ELMO1: variants seen among roughly 807,000 people sequenced by gnomAD.
ELMO1 encodes engulfment and cell motility 1.
ELMO1 carries 26 observed loss-of-function variants against 98.9 expected under a neutral mutation model. The ratio of observed to expected loss-of-function variants is 0.26; its 90% confidence interval spans 0.19 to 0.36. The LOEUF is 0.36. Ranked by LOEUF, ELMO1 falls within the 10% of genes least tolerant of loss-of-function variation. The pLI is 1.00. For synonymous variants in ELMO1, 346 were observed against 346.0 expected (o/e 1.00, Z 0.00); for missense variants, 627 against 935.2 (o/e 0.67, Z 4.30).
At chr7:36,873,989 C>T (rs1194012223) in intron 19 of ELMO1, among the ~76,000 whole-genome samples, 2 of 152,172 alleles carry the variant, frequency 1.3e-5, no homozygotes, top group East Asian at 1.9e-4. Context: ...GGTACAGGCT[C>T]ATCCCAGGAT....
At chr7:36,989,879 A>T (rs915697325) in intron 16 of ELMO1, among the ~76,000 whole-genome samples, 1 of 152,248 alleles carries the variant, frequency 6.6e-6, no homozygotes, top group African/African-American at 2.4e-5. Context: ...GTGAAACGTC[A>T]TAAGTTTTTT....
At chr7:37,236,496 G>C (rs780809560) in intron 7 of ELMO1, among the ~76,000 whole-genome samples, 20 of 152,138 alleles carry the variant, frequency 1.3e-4, no homozygotes, top group Non-Finnish European at 1.5e-5. Flanking sequence ...TGACATGACA[G>C]ATAGGCAGAG....
At chr7:36,963,167 G>A (rs959102995) in intron 16 of ELMO1, among the ~76,000 whole-genome samples, 4 of 151,802 alleles carry the variant, frequency 2.6e-5, no homozygotes, top group Non-Finnish European at 5.9e-5. Flanking sequence ...GGCAGATCAC[G>A]AGGTCATCGA....
Position 36,882,573 on chromosome 7 carries a change from C to T in ELMO1, c.1715-4456G>A, listed in dbSNP as rs115287679. Among the ~76,000 whole-genome samples, 716 of 152,318 alleles carry T rather than the reference C, an allele frequency of 4.7e-3. 8 individuals carry two copies. Among genetic ancestry groups the T allele is most frequent in the African/African-American group, 0.017 (699 of 41,574 alleles). On this transcript the variant is annotated intron_variant, in intron 18 of 21. Coordinates refer to ENST00000310758, the MANE Select transcript of ELMO1 (RefSeq NM_014800.11). Reference sequence around the variant, plus strand: ...CTCAGAGCAAATGACACCGGAGTCCCTAGGTACTTTCCAAGATGATTTGGT... The same window carrying T: ...CTCAGAGCAAATGACACCGGAGTCCTTAGGTACTTTCCAAGATGATTTGGT...
chr7:37,367,588 T>G lies in ELMO1; in HGVS notation c.-73-24825A>C, dbSNP rs115147054. On this transcript the variant is annotated intron_variant, in intron 1 of 21. Coordinates refer to ENST00000310758, the MANE Select transcript of ELMO1 (RefSeq NM_014800.11). ...CTACAGGTACAATTCACTAAGTGTG[T>G]GACATGGAAGACTAGAGAAGACTAA... Among the ~76,000 whole-genome samples the G allele has an allele frequency of 3.4e-3, 525 of 152,264 alleles. 3 individuals are homozygous for G. Among genetic ancestry groups the G allele is most frequent in the African/African-American group, 0.012 (503 of 41,530 alleles).
At chr7:37,076,788 G>A (rs1797604839) in intron 15 of ELMO1, among the ~76,000 whole-genome samples, 1 of 152,148 alleles carries the variant, frequency 6.6e-6, no homozygotes, top group African/African-American at 2.4e-5. Context: ...GGTGCACAAC[G>A]CTCCACCACA....
At chr7:36,867,082 G>C (rs942565871) in intron 20 of ELMO1, among the ~76,000 whole-genome samples, 1 of 152,132 alleles carries the variant, frequency 6.6e-6, no homozygotes, top group Non-Finnish European at 1.5e-5. Flanking sequence ...TGGCAGACTG[G>C]AAGAGCCCAG....
intron 16 of ELMO1, among the ~76,000 whole-genome samples, chr7:36,972,910 A>G (rs777239415): frequency 1.3e-4 from 20 of 152,066 alleles, no homozygotes; most frequent in Non-Finnish European, 2.2e-4. Context: ...CCTCCTGAGC[A>G]GCTGGGATTA....
intron 16 of ELMO1, among the ~76,000 whole-genome samples, chr7:36,903,421 C>T (rs1783728543): frequency 6.6e-6 from 1 of 152,256 alleles, no homozygotes; most frequent in South Asian, 2.1e-4. Context: ...ATCTCCAGAG[C>T]CTGCACAGTC....
intron 1 of ELMO1, among the ~76,000 whole-genome samples, chr7:37,395,172 C>A (rs1348947115): frequency 6.6e-6 from 1 of 151,964 alleles, no homozygotes; most frequent in Non-Finnish European, 1.5e-5. Context: ...TTGAGACCAG[C>A]CTGACCAACA....
chr7:37,244,951 G>A (rs969003481), intron 6 of ELMO1, among the ~76,000 whole-genome samples: 3 of 152,014 alleles, frequency 2.0e-5, no homozygotes, highest in Non-Finnish European at 4.4e-5. Context: ...GGCAAATCTG[G>A]CTATAATAAA....
chr7:37,227,561 T>C (rs1454047031), intron 8 of ELMO1, among the ~76,000 whole-genome samples: 5 of 152,074 alleles, frequency 3.3e-5, no homozygotes, highest in South Asian at 2.1e-4. Flanking sequence ...AATTTTTCTA[T>C]TTTTAGTAGA....
At chr7:37,385,987 C>T (rs758906593) in intron 1 of ELMO1, among the ~76,000 whole-genome samples, 2 of 152,184 alleles carry the variant, frequency 1.3e-5, no homozygotes, top group Non-Finnish European at 2.9e-5. Context: ...AAGATCTAGG[C>T]CCCTCCTCAA....
At chr7:37,169,847 A>G (rs555704660) in intron 13 of ELMO1, among the ~76,000 whole-genome samples, 1 of 152,310 alleles carries the variant, frequency 6.6e-6, no homozygotes, top group African/African-American at 2.4e-5. Context: ...CTCATCTGAA[A>G]CACTAAAAAT....
At chr7:37,244,708 A>G (rs1156480779) in intron 6 of ELMO1, among the ~76,000 whole-genome samples, 1 of 152,210 alleles carries the variant, frequency 6.6e-6, no homozygotes. Flanking sequence ...TGGGGTACCC[A>G]TAGGGATAGG....
At chr7:37,061,353 T>C (rs2129213810) in intron 15 of ELMO1, among the ~76,000 whole-genome samples, 1 of 152,298 alleles carries the variant, frequency 6.6e-6, no homozygotes, top group South Asian at 2.1e-4. Flanking sequence ...AGAGATCTCC[T>C]TAATGCAAAA....
At chr7:37,417,537 G>A (rs990861867) in intron 1 of ELMO1, among the ~76,000 whole-genome samples, 1 of 152,088 alleles carries the variant, frequency 6.6e-6, no homozygotes. Context: ...GGTGGTGGGC[G>A]CTTGTAGTCC....
At chr7:37,203,923 G>A (rs1792449556) in intron 13 of ELMO1, among the ~76,000 whole-genome samples, 1 of 152,104 alleles carries the variant, frequency 6.6e-6, no homozygotes, top group Non-Finnish European at 1.5e-5. Context: ...GCAAACCAAC[G>A]CTCCCAACTC....
At chr7:37,236,924 G>C (rs1049568097) in intron 7 of ELMO1, among the ~76,000 whole-genome samples, 1 of 152,224 alleles carries the variant, frequency 6.6e-6, no homozygotes, top group Non-Finnish European at 1.5e-5. Flanking sequence ...TGGGTATAGA[G>C]AGTCAAGGCT....
Sources: gnomAD v4.1 joint callset for allele counts (sites outside exome capture counted in the v4.1 genomes callset) on GRCh38, gnomAD v4.1.1 for gene constraint, MANE v1.5 for transcripts, NCBI Gene and HGNC (gene_info 2026-07-23, HGNC 2026-07-21) for gene names.